Variants in TMEM38B observed in about 807,000 individuals in gnomAD.
The protein encoded by TMEM38B is trimeric intracellular cation channel type B.
A neutral mutation model predicts 28.7 loss-of-function variants in TMEM38B; 24 were observed. The ratio of observed to expected loss-of-function variants is 0.84; its 90% CI spans 0.61 to 1.18. TMEM38B has a LOEUF of 1.18. TMEM38B is among the 50% of genes most tolerant of loss of function. The pLI is 0.00. For synonymous variants in TMEM38B, 131 were observed against 127.7 expected (o/e 1.03, Z -0.17); for missense variants, 380 against 350.9 (o/e 1.08, Z -0.66).
intron 1 of TMEM38B, 45 bp from the exon 2 acceptor site, chr9:105,705,552 T>C: frequency 6.5e-7 from 1 of 1,540,038 alleles, no homozygotes; most frequent in Non-Finnish European, 8.8e-7. Context: ...GCTTGTTTAA[T>C]AAATGTATAA....
chr9:105,704,790 G>A (rs972076109), intron 1 of TMEM38B, among the ~76,000 whole-genome samples: 37 of 152,060 alleles, frequency 2.4e-4, no homozygotes, highest in South Asian at 2.1e-4. Flanking sequence ...TGGGCGTGGT[G>A]GCAGGTGCCT....
At chr9:105,695,660 T>C (rs942024397) in intron 1 of TMEM38B, among the ~76,000 whole-genome samples, 1 of 152,218 alleles carries the variant, frequency 6.6e-6, no homozygotes, top group African/African-American at 2.4e-5. Flanking sequence ...TTGCCTACTT[T>C]CTTTGTGTTC....
intron 2 of TMEM38B, among the ~76,000 whole-genome samples, chr9:105,708,777 T>C (rs1024473216): frequency 3.3e-5 from 5 of 152,118 alleles, no homozygotes; most frequent in African/African-American, 4.8e-5. Context: ...AAGTAGCACC[T>C]CCTCTCCCAT....
chr9:105,769,505 T>G (rs2133653758), intron 5 of TMEM38B, among the ~76,000 whole-genome samples: 1 of 152,118 alleles, frequency 6.6e-6, no homozygotes, highest in Non-Finnish European at 1.5e-5. Flanking sequence ...TTGTACAATT[T>G]TGGTTTCACT....
intron 4 of TMEM38B, among the ~76,000 whole-genome samples, chr9:105,730,043 T>C (rs1836673238): frequency 6.6e-6 from 1 of 152,174 alleles, no homozygotes; most frequent in Non-Finnish European, 1.5e-5. Context: ...TTTGAATTCC[T>C]CTCTTCCTAT....
In TMEM38B at chr9:105,775,147, G is replaced by A. The variant is rs530912885; in HGVS notation, c.*1067G>A. 2.6e-5 allele frequency: 4 copies of A among 152,082 alleles called. No homozygotes were observed. Among genetic ancestry groups the A allele is most frequent in the African/African-American group, 9.6e-5 (4 of 41,534 alleles). The allele number at this position is 152,082 out of a possible 1,614,324, so 9.4% of individuals were successfully genotyped here. ...TAATGTGTTATTAATTTTATTAAAT[G>A]AAAACTAATCACCTTCATGTGGAAA... On this transcript the variant is annotated 3_prime_UTR_variant, in exon 6 of 6. Coordinates refer to ENST00000374692, the MANE Select transcript of TMEM38B (RefSeq NM_018112.3).
chr9:105,731,200 T>C (rs1245602377), intron 4 of TMEM38B, among the ~76,000 whole-genome samples: 1 of 151,986 alleles, frequency 6.6e-6, no homozygotes, highest in African/African-American at 2.4e-5. Flanking sequence ...TTGTGGGCAT[T>C]TAGTGCTATA....
At chr9:105,716,296 C>A (rs1375878835) in intron 2 of TMEM38B, among the ~76,000 whole-genome samples, 1 of 152,060 alleles carries the variant, frequency 6.6e-6, no homozygotes, top group Admixed American at 6.6e-5. Context: ...ATTGTTCCAA[C>A]CCTTTCAGAA....
rs1161556768 is a variant in TMEM38B, at chr9:105,748,123, C to T, written c.593C>T (p.Thr198Ile). The change falls in exon 5 of 6, where the codon ACC becomes ATC. Residue 198 changes from threonine to isoleucine, a missense_variant. By Grantham distance (89) the Thr-to-Ile change is moderately conservative. Coordinates refer to ENST00000374692, the MANE Select transcript of TMEM38B (RefSeq NM_018112.3). Reference sequence around the variant, plus strand: ...TCAGTTATCTTCACATTCCAGCACACCCAGCATCTGGCAATATCAAAGCAT... The same window carrying T: ...TCAGTTATCTTCACATTCCAGCACATCCAGCATCTGGCAATATCAAAGCAT... ...LGSVIFTFQH[T>I]QHLAISKHNL... is the part of the protein sequence containing the mutation. The T allele has an allele frequency of 1.9e-6, 3 of 1,613,644 alleles. No individual in the cohort carries two copies. The highest frequency in any genetic ancestry group is 2.5e-6 in the Non-Finnish European group (3 of 1,179,712).
chr9:105,709,575 C>G (rs1390945629), intron 2 of TMEM38B, among the ~76,000 whole-genome samples: 5 of 152,180 alleles, frequency 3.3e-5, no homozygotes, highest in Non-Finnish European at 5.9e-5. Flanking sequence ...CTCAATTAAC[C>G]AGTACAATGT....
At chr9:105,700,382 C>G (rs1297659530) in intron 1 of TMEM38B, among the ~76,000 whole-genome samples, 1 of 152,148 alleles carries the variant, frequency 6.6e-6, no homozygotes, top group African/African-American at 2.4e-5. Flanking sequence ...TTCTATTCCT[C>G]ACACATTCCT....
intron 1 of TMEM38B, among the ~76,000 whole-genome samples, chr9:105,704,420 GTAAA>G (rs1290222078): frequency 2.0e-5 from 3 of 151,944 alleles, no homozygotes; most frequent in South Asian, 2.1e-4. Flanking sequence ...AAGTAATTAA[GTAAA>G]TAAATAAATA....
At chr9:105,760,125 A>G (rs985982007) in intron 5 of TMEM38B, 3 of 885,702 alleles carry the variant, frequency 3.4e-6, no homozygotes, top group East Asian at 2.4e-5. Context: ...ATGCGCTACA[A>G]TTGTGTCGTT....
At chr9:105,705,862 T>A in intron 2 of TMEM38B, 109 bp downstream of exon 2, 1 of 1,197,290 alleles carries the variant, frequency 8.4e-7, no homozygotes, top group Non-Finnish European at 1.1e-6. Flanking sequence ...CTTGAAAAGT[T>A]AATGCATCTG....
rs771208687 is a variant in TMEM38B at position 105,721,761 on chromosome 9, G to GACAATAT, written c.454+40_454+41insACAATAT. On this transcript the variant is annotated intron_variant, in intron 3 of 5. Coordinates refer to ENST00000374692, the MANE Select transcript of TMEM38B (RefSeq NM_018112.3). ...ATGTGTTCATAAATATTCTGTTGTT[G>GACAATAT]GTGTATTATTAATACCATTACTGAA... The GACAATAT allele has an allele frequency of 2.2e-4, 318 of 1,470,048 alleles. No homozygotes were observed. The African/African-American group carries it at 2.6e-3, about 12-fold the overall frequency. The allele number at this position is 1,470,048 out of a possible 1,614,324, so 91.1% of individuals were successfully genotyped here.
intron 5 of TMEM38B, among the ~76,000 whole-genome samples, chr9:105,749,955 G>A (rs1367389472): frequency 6.6e-6 from 1 of 152,174 alleles, no homozygotes; most frequent in East Asian, 1.9e-4. Flanking sequence ...GTTTTCCAAA[G>A]TGGCTTTATC....
At chr9:105,734,514 A>G (rs1172990879) in intron 4 of TMEM38B, among the ~76,000 whole-genome samples, 1 of 152,002 alleles carries the variant, frequency 6.6e-6, no homozygotes, top group Non-Finnish European at 1.5e-5. Flanking sequence ...TCTCTGGTTG[A>G]TATGTGTTGA....
chr9:105,756,928 A>T (rs915188988), intron 5 of TMEM38B, among the ~76,000 whole-genome samples: 10 of 152,126 alleles, frequency 6.6e-5, no homozygotes, highest in Non-Finnish European at 1.2e-4. Flanking sequence ...TTATTTCAAT[A>T]GTTTTTGGGG....
intron 4 of TMEM38B, among the ~76,000 whole-genome samples, chr9:105,745,818 C>T (rs1173971349): frequency 1.3e-5 from 2 of 152,138 alleles, no homozygotes; most frequent in African/African-American, 2.4e-5. Context: ...GTTTTCCCAG[C>T]ACCATTTATT....
Sources: gnomAD v4.1 joint callset for allele counts (sites outside exome capture counted in the v4.1 genomes callset) on GRCh38, gnomAD v4.1.1 for gene constraint, MANE v1.5 for transcripts, NCBI Gene and HGNC (gene_info 2026-07-23, HGNC 2026-07-21) for gene names.